FMN1: variants seen among roughly 807,000 people sequenced by gnomAD.
FMN1 encodes the protein formin 1.
A neutral mutation model predicts 132.4 loss-of-function variants in FMN1; 110 were observed. The ratio of observed to expected loss-of-function variants is 0.83; its 90% confidence interval spans 0.71 to 0.97. FMN1 has a LOEUF of 0.97. Among genes scored for constraint, FMN1 ranks in the 50% least tolerant of loss-of-function variants. The pLI is 0.00. For missense variants in FMN1, 1,792 were observed against 1,705.3 expected (o/e 1.05, Z -0.90); for synonymous variants, 722 against 651.7 (o/e 1.11, Z -1.64).
chr15:32,988,031 T>C (rs972207121), intron 7 of FMN1, among the ~76,000 whole-genome samples: 9 of 149,470 alleles, frequency 6.0e-5, no homozygotes, highest in Non-Finnish European at 1.2e-4. Context: ...TCCTGACAGC[T>C]GGCAGCCTGT....
At chr15:32,888,328 C>T (rs752563825) in intron 15 of FMN1, 36 bp from the exon 16 acceptor site, 2 of 1,521,596 alleles carry the variant, frequency 1.3e-6, no homozygotes, top group African/African-American at 2.8e-5. Context: ...CATTATACTT[C>T]CCAATTGTCA....
intron 4 of FMN1, among the ~76,000 whole-genome samples, chr15:33,120,162 T>C (rs991463876): frequency 2.0e-5 from 3 of 152,240 alleles, no homozygotes; most frequent in African/African-American, 7.2e-5. Flanking sequence ...GAGAGCAGCA[T>C]AGTGAAATGA....
At chr15:32,962,164 A>G (rs1002274952) in intron 9 of FMN1, among the ~76,000 whole-genome samples, 9 of 151,990 alleles carry the variant, frequency 5.9e-5, no homozygotes, top group Non-Finnish European at 1.2e-4. Flanking sequence ...ACACATACCA[A>G]TGCTTAAGAC....
intron 6 of FMN1, among the ~76,000 whole-genome samples, chr15:33,060,887 C>T (rs985696614): frequency 6.6e-6 from 1 of 152,180 alleles, no homozygotes; most frequent in Non-Finnish European, 1.5e-5. Context: ...AAACATTAAC[C>T]TCACTTCCCC....
At position 32,936,881 on chromosome 15, in the gene FMN1, T is replaced by C. The variant is rs760688502; in HGVS notation, c.3139-10620A>G. On this transcript the variant is annotated intron_variant, in intron 9 of 20. Coordinates refer to ENST00000616417, the MANE Select transcript of FMN1 (RefSeq NM_001277313.2). ...CCCCTGCAGTCCATGTGGGAGAAGC[T>C]GCTGAGCTGTATTGGCCTCTGTCTA... Among the ~76,000 whole-genome samples, 40 of 152,160 alleles carry C rather than the reference T, an allele frequency of 2.6e-4. 1 individual carries two copies. Among genetic ancestry groups the C allele is most frequent in the Non-Finnish European group, 1.3e-4 (9 of 68,020 alleles).
intron 19 of FMN1, 30 bp downstream of exon 19, chr15:32,798,774 G>C: frequency 1.3e-6 from 2 of 1,587,048 alleles, no homozygotes; most frequent in Non-Finnish European, 1.7e-6. Flanking sequence ...GCTCCTGAAG[G>C]AGGCATTAAA....
At chr15:32,966,479 G>A (rs192238020) in intron 8 of FMN1, among the ~76,000 whole-genome samples, 146 of 152,162 alleles carry the variant, frequency 9.6e-4, no homozygotes, top group Non-Finnish European at 2.0e-3. Flanking sequence ...CAAAAGGAAG[G>A]CAGGGGGAGA....
chr15:33,043,792 A>G (rs1014981020), intron 6 of FMN1, among the ~76,000 whole-genome samples: 21 of 152,196 alleles, frequency 1.4e-4, no homozygotes, highest in African/African-American at 4.8e-4. Flanking sequence ...CACCCCTTCT[A>G]AGTTGGCAGG....
intron 9 of FMN1, among the ~76,000 whole-genome samples, chr15:32,956,021 T>C (rs1284294514): frequency 6.6e-6 from 1 of 152,236 alleles, no homozygotes; most frequent in Non-Finnish European, 1.5e-5. Flanking sequence ...CAATACTCTG[T>C]GTGGGTAATT....
At chr15:32,888,640 G>C (rs1280854667) in intron 15 of FMN1, among the ~76,000 whole-genome samples, 1 of 152,176 alleles carries the variant, frequency 6.6e-6, no homozygotes, top group Non-Finnish European at 1.5e-5. Context: ...TACATTTGAA[G>C]TCCCCATTTG....
intron 4 of FMN1, among the ~76,000 whole-genome samples, chr15:33,107,633 T>C (rs939297728): frequency 6.6e-6 from 1 of 152,136 alleles, no homozygotes; most frequent in African/African-American, 2.4e-5. Context: ...GGCTGATTTC[T>C]TCACATCACT....
chr15:32,945,195 G>A (rs1020985705), intron 9 of FMN1, among the ~76,000 whole-genome samples: 2 of 152,090 alleles, frequency 1.3e-5, no homozygotes, highest in Non-Finnish European at 2.9e-5. Context: ...TTTTGTTACT[G>A]ATCATTGGCA....
intron 6 of FMN1, among the ~76,000 whole-genome samples, chr15:33,036,605 C>T (rs1189496210): frequency 1.3e-5 from 2 of 152,104 alleles, no homozygotes; most frequent in African/African-American, 2.4e-5. Context: ...AGTATTGACT[C>T]CTCTCTTTAC....
intron 16 of FMN1, among the ~76,000 whole-genome samples, chr15:32,857,737 T>C (rs1228250948): frequency 1.3e-5 from 2 of 152,262 alleles, no homozygotes; most frequent in Non-Finnish European, 2.9e-5. Flanking sequence ...CTAAAATTTG[T>C]AATAGAGTAC....
intron 10 of FMN1, among the ~76,000 whole-genome samples, chr15:32,923,138 G>C (rs1227308878): frequency 6.6e-6 from 1 of 152,196 alleles, no homozygotes; most frequent in Non-Finnish European, 1.5e-5. Flanking sequence ...CCACAGGGCT[G>C]AAGAACACCC....
intron 5 of FMN1, among the ~76,000 whole-genome samples, chr15:33,069,412 C>T (rs1232102868): frequency 2.0e-5 from 3 of 152,178 alleles, no homozygotes; most frequent in Non-Finnish European, 4.4e-5. Context: ...ACTGGCTGAA[C>T]AGTAATTGCC....
intron 7 of FMN1, among the ~76,000 whole-genome samples, chr15:33,007,277 G>GA (rs1309357169): frequency 2.6e-5 from 4 of 152,204 alleles, no homozygotes; most frequent in Middle Eastern, 6.8e-3. Context: ...ATTAAATGAG[G>GA]AAAAAATGTT....
At chr15:33,185,010 G>T (rs1965831264) in intron 2 of FMN1, among the ~76,000 whole-genome samples, 1 of 152,162 alleles carries the variant, frequency 6.6e-6, no homozygotes, top group African/African-American at 2.4e-5. Context: ...ATTATGAAAA[G>T]CTTCACGATA....
chr15:32,894,712 A>G (rs2060112542), intron 15 of FMN1, among the ~76,000 whole-genome samples: 1 of 152,000 alleles, frequency 6.6e-6, no homozygotes, highest in African/African-American at 2.4e-5. Context: ...ATTTTTCACT[A>G]CATCTTTTTT....
Sources: gnomAD v4.1 joint callset for allele counts (sites outside exome capture counted in the v4.1 genomes callset) on GRCh38, gnomAD v4.1.1 for gene constraint, MANE v1.5 for transcripts, NCBI Gene and HGNC (gene_info 2026-07-23, HGNC 2026-07-21) for gene names.